Variants in TMPRSS15 observed in about 807,000 individuals in gnomAD.
TMPRSS15 encodes transmembrane serine protease 15, also known as enteropeptidase.
Under a neutral mutation model 125.3 loss-of-function variants are expected in TMPRSS15, and 128 were observed. The observed-to-expected ratio is 1.02, with a 90% CI of 0.89 to 1.18. The LOEUF (loss-of-function observed/expected upper bound fraction) is 1.18. TMPRSS15 is among the 50% of genes most tolerant of loss of function. The pLI is 0.00. For missense variants in TMPRSS15, 1,283 were observed against 1,212.7 expected (o/e 1.06, Z -0.86); for synonymous variants, 446 against 423.2 (o/e 1.05, Z -0.66).
chr21:18,298,355 A>G (rs904627973), intron 18 of TMPRSS15, among the ~76,000 whole-genome samples: 1 of 152,202 alleles, frequency 6.6e-6, no homozygotes, highest in Admixed American at 6.5e-5. Context: ...ATTTCATTCA[A>G]TTCAAAGGCT....
At chr21:18,337,362 G>A (rs1326461717) in intron 13 of TMPRSS15, among the ~76,000 whole-genome samples, 3 of 152,188 alleles carry the variant, frequency 2.0e-5, no homozygotes, top group African/African-American at 4.8e-5. Flanking sequence ...CCAGAAATAA[G>A]CCAGGGGCCT....
intron 10 of TMPRSS15, among the ~76,000 whole-genome samples, chr21:18,348,818 G>T (rs1171650119): frequency 6.6e-6 from 1 of 152,202 alleles, no homozygotes; most frequent in Non-Finnish European, 1.5e-5. Context: ...TACTTTTGCA[G>T]TATGAAAAGA....
intron 1 of TMPRSS15, among the ~76,000 whole-genome samples, chr21:18,476,739 A>T (rs1324517106): frequency 6.6e-6 from 1 of 152,158 alleles, no homozygotes; most frequent in East Asian, 1.9e-4. Flanking sequence ...CTTACAAGAA[A>T]AGGCTTTCAT....
At chr21:18,396,796 G>GAA (rs1601437280) in intron 3 of TMPRSS15, among the ~76,000 whole-genome samples, 1 of 103,188 alleles carries the variant, frequency 9.7e-6, no homozygotes, top group Non-Finnish European at 1.9e-5. Context: ...AAAAAAATCT[G>GAA]TCTGTCTGTC....
At chr21:18,431,045 G>A (rs1403709861) in intron 1 of TMPRSS15, among the ~76,000 whole-genome samples, 1 of 152,184 alleles carries the variant, frequency 6.6e-6, no homozygotes, top group East Asian at 1.9e-4. Context: ...GAACTCTCCA[G>A]CTAGCAAGAC....
chr21:18,367,614 A>C (rs959335934), intron 6 of TMPRSS15, among the ~76,000 whole-genome samples: 1 of 152,192 alleles, frequency 6.6e-6, no homozygotes, highest in African/African-American at 2.4e-5. Context: ...TGCTATTGTA[A>C]AGTTTATATT....
chr21:18,482,367 A>G (rs555519626), intron 1 of TMPRSS15, among the ~76,000 whole-genome samples: 1 of 151,574 alleles, frequency 6.6e-6, no homozygotes, highest in East Asian at 1.9e-4. Flanking sequence ...TTTTCTTTAG[A>G]CAATAGGGTA....
Position 18,353,147 on chromosome 21 carries a change from C to T in TMPRSS15, c.1022-95G>A, listed in dbSNP as rs79627009. The T allele has an allele frequency of 1.3e-4, 142 of 1,061,392 alleles. No homozygotes were observed. The East Asian group carries it at 3.3e-3, about 25-fold the overall frequency. The allele number at this position is 1,061,392 out of a possible 1,614,324, so 65.7% of individuals were successfully genotyped here. ...TTGAAAATAATCTAACCTTATACAGCTTATACTTCAGTGGTATGTACAAAA... is the reference window on the plus strand; with the variant it reads ...TTGAAAATAATCTAACCTTATACAGTTTATACTTCAGTGGTATGTACAAAA... On this transcript the variant is annotated intron_variant, in intron 9 of 24. Coordinates refer to ENST00000284885, the MANE Select transcript of TMPRSS15 (RefSeq NM_002772.3).
chr21:18,366,045 G>A (rs962423060), intron 6 of TMPRSS15, among the ~76,000 whole-genome samples: 1 of 151,964 alleles, frequency 6.6e-6, no homozygotes, highest in African/African-American at 2.4e-5. Flanking sequence ...CAAAAGCATT[G>A]TCTTTCTAAA....
In TMPRSS15 at chr21:18,403,746, A is replaced by T; in HGVS notation, c.-124T>A. ...AAGCAACAACCACCTGTCTACATGC[A>T]TACCAGTCAGTGTAAGTGAGTTGTG... On this transcript the variant is annotated 5_prime_UTR_variant, in exon 1 of 25. An upstream start codon of the reference 5' UTR is lost. Coordinates refer to ENST00000284885, the MANE Select transcript of TMPRSS15 (RefSeq NM_002772.3). 2 of 1,210,802 alleles carry T rather than the reference A, an allele frequency of 1.7e-6. No individual in the cohort carries two copies. The highest frequency in any genetic ancestry group is 2.4e-6 in the Non-Finnish European group (2 of 842,068). The allele number at this position is 1,210,802 out of a possible 1,614,324, so 75.0% of individuals were successfully genotyped here.
chr21:18,353,166 T>A, intron 9 of TMPRSS15, 114 bp from the exon 10 acceptor site: 1 of 916,258 alleles, frequency 1.1e-6, no homozygotes, highest in Non-Finnish European at 1.7e-6. Context: ...CAGTGGTATG[T>A]ACAAAATCAT....
intron 17 of TMPRSS15, among the ~76,000 whole-genome samples, chr21:18,314,442 C>T (rs1310856603): frequency 1.0e-3 from 156 of 152,126 alleles, no homozygotes; most frequent in African/African-American, 3.2e-3. Context: ...CCACGCCTGG[C>T]AAATTTCGTA....
intron 1 of TMPRSS15, among the ~76,000 whole-genome samples, chr21:18,399,508 T>C (rs935079733): frequency 6.6e-6 from 1 of 152,104 alleles, no homozygotes; most frequent in African/African-American, 2.4e-5. Context: ...AAAGAAGGAC[T>C]GAGGAACTAC....
intron 5 of TMPRSS15, among the ~76,000 whole-genome samples, chr21:18,372,832 T>C (rs1275846023): frequency 6.6e-6 from 1 of 152,228 alleles, no homozygotes; most frequent in Non-Finnish European, 1.5e-5. Context: ...CCGAAAAACT[T>C]GCACCTCTCA....
upstream of TMPRSS15, among the ~76,000 whole-genome samples, chr21:18,408,259 G>A (rs2076157521): frequency 1.3e-5 from 2 of 152,280 alleles, no homozygotes; most frequent in South Asian, 4.1e-4. Context: ...AGTTCCTAAA[G>A]ATTAAAGCCA....
At chr21:18,288,337 G>A (rs529845483) in intron 21 of TMPRSS15, among the ~76,000 whole-genome samples, 13 of 152,134 alleles carry the variant, frequency 8.5e-5, no homozygotes, top group Admixed American at 1.3e-4. Flanking sequence ...GAAGGATGGC[G>A]CTGTGGGAGG....
intron 3 of TMPRSS15, among the ~76,000 whole-genome samples, chr21:18,387,612 TACACACACACACACAC>T (rs57708622): frequency 4.8e-4 from 69 of 145,240 alleles, no homozygotes; most frequent in African/African-American, 1.5e-3. Context: ...CACACACACA[TACACACACACACACAC>T]ACACACACAC....
chr21:18,324,442 C>T (rs1006788225), intron 16 of TMPRSS15, among the ~76,000 whole-genome samples: 1 of 152,048 alleles, frequency 6.6e-6, no homozygotes, highest in Admixed American at 6.6e-5. Context: ...ACAAAGGCCT[C>T]TAGTCAAATC....
At chr21:18,351,185 G>A (rs958768611) in intron 10 of TMPRSS15, among the ~76,000 whole-genome samples, 4 of 152,024 alleles carry the variant, frequency 2.6e-5, no homozygotes, top group Admixed American at 1.3e-4. Flanking sequence ...ATTAATCTTC[G>A]TAATTGGTCA....
Sources: gnomAD v4.1 joint callset for allele counts (sites outside exome capture counted in the v4.1 genomes callset) on GRCh38, gnomAD v4.1.1 for gene constraint, MANE v1.5 for transcripts, NCBI Gene and HGNC (gene_info 2026-07-23, HGNC 2026-07-21) for gene names.